Variants in APP observed in about 807,000 individuals in gnomAD.
APP encodes amyloid-beta precursor protein.
A neutral mutation model predicts 101.4 loss-of-function variants in APP; 31 were observed. The observed-to-expected ratio is 0.31, with a 90% CI of 0.23 to 0.41. The LOEUF is 0.41. Among genes scored for constraint, APP ranks in the 10% least tolerant of loss-of-function variants. APP has a pLI of 1.00. For synonymous variants in APP, 366 were observed against 364.4 expected (o/e 1.00, Z -0.05); for missense variants, 839 against 1,003.7 (o/e 0.84, Z 2.22).
At chr21:26,032,149 A>G (rs747554576) in intron 5 of APP, among the ~76,000 whole-genome samples, 10 of 152,206 alleles carry the variant, frequency 6.6e-5, no homozygotes, top group African/African-American at 1.2e-4. Context: ...TTGATTTTCC[A>G]TTAGTGAGCT....
At chr21:25,952,223 C>T (rs2041114950) in intron 13 of APP, among the ~76,000 whole-genome samples, 1 of 151,218 alleles carries the variant, frequency 6.6e-6, no homozygotes, top group East Asian at 1.9e-4. Flanking sequence ...CACACACACA[C>T]ACATTAAGAG....
chr21:26,064,835 TG>T (rs1198115236), intron 3 of APP, among the ~76,000 whole-genome samples: 3 of 152,246 alleles, frequency 2.0e-5, no homozygotes, highest in African/African-American at 7.2e-5. Flanking sequence ...TCTTTGTTGT[TG>T]TTTTTTTGTT....
At chr21:25,986,568 C>T (rs1411152821) in intron 8 of APP, among the ~76,000 whole-genome samples, 4 of 152,024 alleles carry the variant, frequency 2.6e-5, no homozygotes, top group Non-Finnish European at 5.9e-5. Flanking sequence ...GGTGTGGTGG[C>T]GCATGCCTGT....
In APP at chr21:25,910,123, CTTTA is replaced by C. The variant is rs796183683; in HGVS notation, c.1909+1614_1909+1617del. On this transcript the variant is annotated intron_variant, in intron 14 of 17. Coordinates refer to ENST00000346798, the MANE Select transcript of APP (RefSeq NM_000484.4). ...TGTTATAAGGTATATATATTTTTTA[CTTTA>C]TTTATTTATTTTTTTTAAATTTAAA... Among the ~76,000 whole-genome samples, 32 of 151,728 alleles carry C rather than the reference CTTTA, an allele frequency of 2.1e-4. No individual in the cohort carries two copies. The East Asian group carries it at 3.1e-3, about 15-fold the overall frequency.
Position 25,886,107 on chromosome 21 carries a change from G to A in APP, c.2212-4336C>T, listed in dbSNP as rs1179498657. Among the ~76,000 whole-genome samples, 4 of 152,138 alleles carry A rather than the reference G, an allele frequency of 2.6e-5. No homozygotes were observed. In the East Asian group the frequency reaches 5.8e-4, roughly 22 times the overall value. ...GAGATGGACCAGACGAGTAAAGGAG[G>A]GTAAGGGAACTAAGGCGAACAATAC... On this transcript the variant is annotated intron_variant, in intron 17 of 17. Transcript: ENST00000346798.
At chr21:26,169,862 T>G (rs1220695816) in intron 1 of APP, among the ~76,000 whole-genome samples, 1 of 152,142 alleles carries the variant, frequency 6.6e-6, no homozygotes, top group Non-Finnish European at 1.5e-5. Context: ...CTCCGACCCC[T>G]CCCATTTCTC....
At chr21:26,105,444 T>C (rs1270957524) in intron 2 of APP, among the ~76,000 whole-genome samples, 2 of 152,050 alleles carry the variant, frequency 1.3e-5, no homozygotes, top group African/African-American at 4.8e-5. Context: ...GGAAACGTGG[T>C]AACATTGTGA....
chr21:26,100,889 C>G (rs1052045168), intron 2 of APP, among the ~76,000 whole-genome samples: 9 of 152,130 alleles, frequency 5.9e-5, no homozygotes, highest in Non-Finnish European at 1.3e-4. Context: ...ACCTAACTTT[C>G]CCAATTGGAA....
chr21:25,892,497 T>G (rs550536908), intron 16 of APP, among the ~76,000 whole-genome samples: 1 of 152,114 alleles, frequency 6.6e-6, no homozygotes, highest in Non-Finnish European at 1.5e-5. Context: ...TCTGCAGAAT[T>G]CTAATTAACC....
intron 9 of APP, among the ~76,000 whole-genome samples, chr21:25,976,779 C>A (rs138306610): frequency 6.6e-6 from 1 of 152,282 alleles, no homozygotes; most frequent in East Asian, 1.9e-4. Context: ...GAAACTTAAT[C>A]CCCAGTGCAA....
chr21:26,162,647 T>C (rs2063515472), intron 1 of APP, among the ~76,000 whole-genome samples: 1 of 151,832 alleles, frequency 6.6e-6, no homozygotes, highest in Non-Finnish European at 1.5e-5. Context: ...CAAAATATAT[T>C]AGTTATTCAA....
chr21:26,015,233 T>C (rs1237356404), intron 6 of APP, among the ~76,000 whole-genome samples: 3 of 136,550 alleles, frequency 2.2e-5, no homozygotes, highest in South Asian at 2.6e-4. Context: ...AGTTTGCTAA[T>C]GTTTCAAATG....
intron 5 of APP, among the ~76,000 whole-genome samples, chr21:26,036,988 ATG>A (rs751003386): frequency 2.5e-5 from 3 of 121,462 alleles, no homozygotes; most frequent in African/African-American, 9.4e-5. Flanking sequence ...GTGTGTGTGT[ATG>A]TGTGTGTGTC....
intron 13 of APP, among the ~76,000 whole-genome samples, chr21:25,925,147 T>C (rs1345428518): frequency 1.9e-5 from 1 of 52,680 alleles, no homozygotes; most frequent in Non-Finnish European, 3.6e-5. Context: ...TAATTTTCCC[T>C]ACCCAGGAGG....
In APP at chr21:25,975,136, C is replaced by G; in HGVS notation, c.1392G>C (p.Met464Ile). 6.2e-7 allele frequency: 1 copy of G among 1,614,080 alleles called. No individual in the cohort carries two copies. Among genetic ancestry groups the G allele is most frequent in the Non-Finnish European group, 8.5e-7 (1 of 1,180,010 alleles). Residue 464 changes from methionine to isoleucine, a missense_variant, in exon 11 of 18, where the codon ATG (methionine) becomes ATC (isoleucine). By Grantham distance (10) the Met-to-Ile change is conservative. Transcript: ENST00000346798. ...VETHMARVEA[M>I]LNDRRRLALE... ...GGGCCAGGCGGCGGCGGTCATTGAG[C>G]ATGGCTTCCACTCTGGCCATGTGTG...
chr21:25,894,497 T>C (rs1452116883), intron 16 of APP, among the ~76,000 whole-genome samples: 4 of 152,154 alleles, frequency 2.6e-5, no homozygotes, highest in Non-Finnish European at 5.9e-5. Context: ...TGGAAGACAA[T>C]GATTCCAACT....
intron 8 of APP, among the ~76,000 whole-genome samples, chr21:25,984,887 T>C (rs1197423167): frequency 6.6e-6 from 1 of 152,240 alleles, no homozygotes; most frequent in African/African-American, 2.4e-5. Flanking sequence ...TTATACCTGC[T>C]GATGAAGATA....
chr21:26,089,131 T>C (rs896040657), intron 3 of APP, among the ~76,000 whole-genome samples: 1 of 152,246 alleles, frequency 6.6e-6, no homozygotes, highest in Non-Finnish European at 1.5e-5. Flanking sequence ...ACAATCTCTA[T>C]ATCCTTATTT....
chr21:26,056,983 T>C (rs1245533497), intron 3 of APP, among the ~76,000 whole-genome samples: 1 of 152,232 alleles, frequency 6.6e-6, no homozygotes, highest in African/African-American at 2.4e-5. Flanking sequence ...GAAGCCTTTT[T>C]CACCAACTGG....
Sources: gnomAD v4.1 joint callset for allele counts (sites outside exome capture counted in the v4.1 genomes callset) on GRCh38, gnomAD v4.1.1 for gene constraint, MANE v1.5 for transcripts, NCBI Gene and HGNC (gene_info 2026-07-23, HGNC 2026-07-21) for gene names.